The following ELMO1 variants were observed in gnomAD, a reference collection of about 807,000 sequenced individuals.
ELMO1 encodes the protein engulfment and cell motility protein 1.
In ELMO1, 26 loss-of-function variants were observed where a neutral mutation model predicts 98.9. The observed-to-expected ratio is 0.26, with a 90% CI of 0.19 to 0.36. The LOEUF (loss-of-function observed/expected upper bound fraction) is 0.36. Among genes scored for constraint, ELMO1 ranks in the 10% least tolerant of loss-of-function variants. The pLI is 1.00. For synonymous variants in ELMO1, 346 were observed against 346.0 expected (o/e 1.00, Z 0.00); for missense variants, 627 against 935.2 (o/e 0.67, Z 4.30).
chr7:37,398,710 C>A (rs1285070357), intron 1 of ELMO1, among the ~76,000 whole-genome samples: 4 of 152,174 alleles, frequency 2.6e-5, no homozygotes, highest in African/African-American at 9.7e-5. Flanking sequence ...GCACCAACAC[C>A]CATTAATTCC....
At chr7:37,229,778 T>A (rs561211969) in intron 8 of ELMO1, among the ~76,000 whole-genome samples, 15 of 152,338 alleles carry the variant, frequency 9.8e-5, no homozygotes, top group Non-Finnish European at 1.9e-4. Flanking sequence ...TAAGTAGCAA[T>A]GCAAAGAAAA....
intron 21 of ELMO1, among the ~76,000 whole-genome samples, chr7:36,857,620 A>G (rs572018321): frequency 6.6e-6 from 1 of 152,346 alleles, no homozygotes; most frequent in East Asian, 1.9e-4. Context: ...ACATCGACCA[A>G]TAAATAAAAA....
At position 37,151,450 on chromosome 7, in the gene ELMO1, G is replaced by T. The variant is rs150487261; in HGVS notation, c.1087-18216C>A. Among the ~76,000 whole-genome samples, 260 of 152,212 alleles carry T rather than the reference G, an allele frequency of 1.7e-3. 2 individuals carry two copies. Among genetic ancestry groups the T allele is most frequent in the African/African-American group, 5.7e-3 (237 of 41,536 alleles). Reference sequence around the variant, plus strand: ...TGGTCCCCTGTAAATATTGAGAACTGGGTAACAAAATCCTAATGGGGCCTT... The same window carrying T: ...TGGTCCCCTGTAAATATTGAGAACTTGGTAACAAAATCCTAATGGGGCCTT... On this transcript the variant is annotated intron_variant, in intron 13 of 21. Transcript: ENST00000310758.
At chr7:37,212,561 T>C (rs1793035433) in intron 12 of ELMO1, among the ~76,000 whole-genome samples, 1 of 152,148 alleles carries the variant, frequency 6.6e-6, no homozygotes, top group African/African-American at 2.4e-5. Flanking sequence ...TGGGGCACAT[T>C]CACCGCCTCT....
intron 18 of ELMO1, among the ~76,000 whole-genome samples, chr7:36,883,988 G>A (rs1804698176): frequency 6.6e-6 from 1 of 152,098 alleles, no homozygotes; most frequent in Admixed American, 6.6e-5. Flanking sequence ...AGTGATGCAG[G>A]TGTGTGGGCT....
In ELMO1 at chr7:36,986,232, G is replaced by A. The variant is rs867189220; in HGVS notation, c.1437+27067C>T. 4.1e-6 allele frequency: 4 copies of A among 985,320 alleles called. No homozygotes were observed. In the African/African-American group the frequency reaches 7.0e-5, roughly 17 times the overall value. 61.0% of individuals were successfully genotyped at this position (985,320 alleles called of 1,614,324 possible). On this transcript the variant is annotated intron_variant, in intron 16 of 21. Coordinates refer to ENST00000310758, the MANE Select transcript of ELMO1 (RefSeq NM_014800.11). ...GGGAAAGATCAGCCAATCAAAGGGC[G>A]CCTCCATTTCAGGGAAACTCCTGCT...
intron 15 of ELMO1, among the ~76,000 whole-genome samples, chr7:37,052,872 A>AC (rs530722925): frequency 9.2e-4 from 140 of 152,084 alleles, no homozygotes; most frequent in Middle Eastern, 3.4e-3. Context: ...GAGAGCACCA[A>AC]CCCCCCAGGT....
At chr7:37,352,133 A>G (rs1399798946) in intron 1 of ELMO1, among the ~76,000 whole-genome samples, 1 of 152,250 alleles carries the variant, frequency 6.6e-6, no homozygotes, top group Admixed American at 6.5e-5. Flanking sequence ...AGGTACCATT[A>G]CTAGCCTATT....
chr7:36,945,966 G>A (rs973320440), intron 16 of ELMO1, among the ~76,000 whole-genome samples: 1 of 152,216 alleles, frequency 6.6e-6, no homozygotes, highest in Non-Finnish European at 1.5e-5. Flanking sequence ...AAAGGCATCG[G>A]AGGTAGGTTA....
At chr7:37,439,676 T>C (rs1045156150) in intron 1 of ELMO1, among the ~76,000 whole-genome samples, 1 of 152,208 alleles carries the variant, frequency 6.6e-6, no homozygotes, top group African/African-American at 2.4e-5. Flanking sequence ...TAAAATATAC[T>C]ACAATTAATA....
At chr7:37,213,528 A>G (rs889838447) in intron 11 of ELMO1, 71 bp from the exon 12 acceptor site, 1 of 1,458,460 alleles carries the variant, frequency 6.9e-7, no homozygotes, top group African/African-American at 1.4e-5. Flanking sequence ...TTAACACTCA[A>G]GAAGGCTCTC....
intron 2 of ELMO1, among the ~76,000 whole-genome samples, chr7:37,321,736 A>AAAAAAAAAAAAAC (rs1192639432): frequency 5.4e-5 from 8 of 148,210 alleles, no homozygotes; most frequent in Non-Finnish European, 7.5e-5. Flanking sequence ...AAAAAAAAAA[A>AAAAAAAAAAAAAC]AACACAGAAA....
intron 1 of ELMO1, among the ~76,000 whole-genome samples, chr7:37,399,955 G>A (rs1455988748): frequency 1.3e-5 from 2 of 152,162 alleles, no homozygotes; most frequent in Non-Finnish European, 2.9e-5. Flanking sequence ...CTTTCCCCCT[G>A]CATTTTTGTG....
chr7:37,217,380 A>G (rs1364525776), intron 10 of ELMO1, among the ~76,000 whole-genome samples: 1 of 152,166 alleles, frequency 6.6e-6, no homozygotes, highest in African/African-American at 2.4e-5. Context: ...AGACTAAGGG[A>G]AAATAGTATA....
intron 1 of ELMO1, among the ~76,000 whole-genome samples, chr7:37,403,228 C>T (rs1277470664): frequency 6.6e-6 from 1 of 152,168 alleles, no homozygotes; most frequent in African/African-American, 2.4e-5. Context: ...AATTATATAA[C>T]ATTCTAGAAA....
intron 16 of ELMO1, among the ~76,000 whole-genome samples, chr7:36,931,246 C>T (rs1219768879): frequency 6.6e-6 from 1 of 152,222 alleles, no homozygotes. Flanking sequence ...GTAATGGATG[C>T]TACTGGAATA....
At position 37,192,892 on chromosome 7, in the gene ELMO1, TTATC is replaced by T. The variant is rs1355480117; in HGVS notation, c.1086+18490_1086+18493del. On this transcript the variant is annotated intron_variant, in intron 13 of 21. Coordinates refer to ENST00000310758, the MANE Select transcript of ELMO1 (RefSeq NM_014800.11). ...ATACATGTTTATATATGATATATAT[TTATC>T]TATAGATACATATATTTTATATATT... Among the ~76,000 whole-genome samples, 30 of 145,312 alleles carry T rather than the reference TTATC, an allele frequency of 2.1e-4. 1 individual carries two copies. The highest frequency in any genetic ancestry group is 3.3e-4 in the African/African-American group (13 of 39,702).
intron 14 of ELMO1, among the ~76,000 whole-genome samples, chr7:37,121,167 G>T (rs1051903642): frequency 6.6e-6 from 1 of 152,168 alleles, no homozygotes; most frequent in Non-Finnish European, 1.5e-5. Flanking sequence ...AAACCACAAA[G>T]ATGGGGAAAA....
At chr7:37,291,944 C>CCCTCCT (rs559377661) in intron 4 of ELMO1, among the ~76,000 whole-genome samples, 1,597 of 51,032 alleles carry the variant, frequency 0.031, 46 homozygotes, top group East Asian at 0.3. Context: ...CTCCCTCTCC[C>CCCTCCT]TCTGCCCACG....
Sources: gnomAD v4.1 joint callset for allele counts (sites outside exome capture counted in the v4.1 genomes callset) on GRCh38, gnomAD v4.1.1 for gene constraint, MANE v1.5 for transcripts, NCBI Gene and HGNC (gene_info 2026-07-23, HGNC 2026-07-21) for gene names.